DPP10: variants seen among roughly 807,000 people sequenced by gnomAD.
DPP10 encodes the protein inactive dipeptidyl peptidase 10.
A neutral mutation model predicts 120.9 loss-of-function variants in DPP10; 33 were observed. The ratio of observed to expected loss-of-function variants is 0.27; its 90% CI spans 0.21 to 0.37. DPP10 has a LOEUF of 0.37. Ranked by LOEUF, DPP10 falls within the 10% of genes least tolerant of loss-of-function variation. The pLI is 1.00. For missense variants in DPP10, 816 were observed against 942.8 expected (o/e 0.87, Z 1.76); for synonymous variants, 337 against 326.1 (o/e 1.03, Z -0.36).
intron 1 of DPP10, among the ~76,000 whole-genome samples, chr2:114,715,116 T>G (rs1340976874): frequency 6.6e-6 from 1 of 152,134 alleles, no homozygotes; most frequent in Non-Finnish European, 1.5e-5. Context: ...CCATAAATCT[T>G]TCTGTTATCT....
At chr2:114,740,812 AT>A (rs1284741257) in intron 1 of DPP10, among the ~76,000 whole-genome samples, 1 of 152,154 alleles carries the variant, frequency 6.6e-6, no homozygotes, top group Non-Finnish European at 1.5e-5. Context: ...GTTTGGTCCT[AT>A]TTCAGTCGTT....
chr2:115,826,934 A>G (rs1688378848), intron 21 of DPP10, among the ~76,000 whole-genome samples: 1 of 152,140 alleles, frequency 6.6e-6, no homozygotes, highest in South Asian at 2.1e-4. Context: ...CAGACTCTGC[A>G]TATTAAATCT....
intron 5 of DPP10, among the ~76,000 whole-genome samples, chr2:115,643,137 A>T (rs966291415): frequency 6.6e-6 from 1 of 152,152 alleles, no homozygotes; most frequent in Non-Finnish European, 1.5e-5. Context: ...GAAATAAAAA[A>T]AAAAATGCGT....
intron 1 of DPP10, among the ~76,000 whole-genome samples, chr2:115,270,957 G>A (rs2059675551): frequency 6.6e-6 from 1 of 151,942 alleles, no homozygotes; most frequent in Non-Finnish European, 1.5e-5. Context: ...CCACTTTGGA[G>A]AAAACAACAA....
At position 115,724,022 on chromosome 2, in the gene DPP10, G is replaced by A. The variant is rs572544200; in HGVS notation, c.577-3794G>A. Among the ~76,000 whole-genome samples, 882 of 152,182 alleles carry A rather than the reference G, an allele frequency of 5.8e-3. 23 individuals are homozygous for A. In the South Asian group the frequency reaches 0.088, roughly 15 times the overall value. ...TTCAGTAATATTTCAGCTAAAACAAGTCTAATGTTTAATTATGTATCTTTT... is the reference window on the plus strand; with the variant it reads ...TTCAGTAATATTTCAGCTAAAACAAATCTAATGTTTAATTATGTATCTTTT... On this transcript the variant is annotated intron_variant, in intron 7 of 25. Transcript: ENST00000410059.
At chr2:115,601,107 T>C (rs770809305) in intron 5 of DPP10, among the ~76,000 whole-genome samples, 3 of 152,226 alleles carry the variant, frequency 2.0e-5, no homozygotes, top group Non-Finnish European at 4.4e-5. Context: ...TTTGCCCAGT[T>C]ACCTACTTCT....
intron 1 of DPP10, among the ~76,000 whole-genome samples, chr2:115,060,410 T>G (rs1706311543): frequency 6.6e-6 from 1 of 151,942 alleles, no homozygotes; most frequent in Non-Finnish European, 1.5e-5. Context: ...ATGGACAACG[T>G]GACAAAACCC....
chr2:114,886,260 T>A (rs917400164), intron 1 of DPP10, among the ~76,000 whole-genome samples: 1 of 152,196 alleles, frequency 6.6e-6, no homozygotes, highest in Non-Finnish European at 1.5e-5. Context: ...TGAACTCCTC[T>A]TCTACCTTCA....
At chr2:115,245,204 A>G (rs1408116829) in intron 1 of DPP10, among the ~76,000 whole-genome samples, 1 of 152,090 alleles carries the variant, frequency 6.6e-6, no homozygotes, top group Non-Finnish European at 1.5e-5. Flanking sequence ...GTGGTATTCT[A>G]TGGTGTATAT....
chr2:115,357,814 C>T (rs1022095292), intron 3 of DPP10, among the ~76,000 whole-genome samples: 3 of 152,170 alleles, frequency 2.0e-5, no homozygotes, highest in Non-Finnish European at 4.4e-5. Context: ...GTTTCCAAAA[C>T]TCAATTTTTG....
intron 1 of DPP10, among the ~76,000 whole-genome samples, chr2:114,984,233 T>C (rs1047024622): frequency 2.0e-5 from 3 of 152,176 alleles, no homozygotes; most frequent in Non-Finnish European, 4.4e-5. Flanking sequence ...TTTTGCCAGA[T>C]AATTAATATA....
At chr2:114,765,121 A>AT (rs1436283423) in intron 1 of DPP10, among the ~76,000 whole-genome samples, 1 of 151,930 alleles carries the variant, frequency 6.6e-6, no homozygotes, top group Non-Finnish European at 1.5e-5. Flanking sequence ...GCACATTTTC[A>AT]TTTTTTCTTC....
chr2:114,911,658 C>T (rs56208387), intron 1 of DPP10, among the ~76,000 whole-genome samples: 35,149 of 152,028 alleles, frequency 0.23, 4,088 homozygotes, highest in Middle Eastern at 0.32. Context: ...AAAGCAATCC[C>T]GGCAGAGGGA....
chr2:115,789,493 G>A (rs1575781104), intron 17 of DPP10, among the ~76,000 whole-genome samples: 1 of 152,188 alleles, frequency 6.6e-6, no homozygotes, highest in Non-Finnish European at 1.5e-5. Flanking sequence ...AATGATATCT[G>A]TAAAAATACT....
intron 3 of DPP10, among the ~76,000 whole-genome samples, chr2:115,456,752 C>A (rs2073579832): frequency 1.3e-5 from 2 of 151,958 alleles, no homozygotes; most frequent in South Asian, 4.2e-4. Context: ...TAAGTGGGAG[C>A]TAAACAATGA....
chr2:114,603,660 G>C (rs1692552691), intron 1 of DPP10, among the ~76,000 whole-genome samples: 2 of 152,074 alleles, frequency 1.3e-5, no homozygotes, highest in African/African-American at 4.8e-5. Flanking sequence ...TCCAGTAAAG[G>C]ATGTGGAGGA....
chr2:115,381,734 G>A (rs972645954), intron 3 of DPP10, among the ~76,000 whole-genome samples: 1 of 152,144 alleles, frequency 6.6e-6, no homozygotes, highest in African/African-American at 2.4e-5. Flanking sequence ...GGTTTTTGGT[G>A]TGGATGTCCT....
chr2:115,332,986 T>C (rs565822444), intron 2 of DPP10, among the ~76,000 whole-genome samples: 1 of 152,282 alleles, frequency 6.6e-6, no homozygotes, highest in East Asian at 1.9e-4. Context: ...CTTTTTAACT[T>C]TCTGTCTCGT....
At chr2:115,655,214 T>C (rs541544927) in intron 5 of DPP10, among the ~76,000 whole-genome samples, 2 of 151,676 alleles carry the variant, frequency 1.3e-5, no homozygotes, top group Non-Finnish European at 3.0e-5. Flanking sequence ...ACGTAACTTT[T>C]TAGGCTTTAT....
Sources: allele counts gnomAD v4.1 joint callset (sites outside exome capture counted in the v4.1 genomes callset), GRCh38; gene constraint gnomAD v4.1.1; transcripts MANE v1.5; gene names NCBI Gene and HGNC (gene_info 2026-07-23, HGNC 2026-07-21).